PTPRN2: variants seen among roughly 807,000 people sequenced by gnomAD.
PTPRN2 encodes the protein receptor-type tyrosine-protein phosphatase N2.
In PTPRN2, 74 loss-of-function variants were observed where a neutral mutation model predicts 118.8. The observed-to-expected ratio is 0.62, with a 90% CI of 0.52 to 0.76. PTPRN2 has a LOEUF of 0.76. Ranked by LOEUF, PTPRN2 falls within the 30% of genes least tolerant of loss-of-function variation. The probability of loss-of-function intolerance (pLI) is 0.00; values close to 1 mark genes in which losing one functional copy is unlikely to be tolerated. For synonymous variants in PTPRN2, 641 were observed against 608.0 expected (o/e 1.05, Z -0.80); for missense variants, 1,481 against 1,394.4 (o/e 1.06, Z -0.99).
intron 11 of PTPRN2, among the ~76,000 whole-genome samples, chr7:157,926,986 CGT>C (rs1563245496): frequency 7.0e-6 from 1 of 143,406 alleles, no homozygotes; most frequent in Non-Finnish European, 1.6e-5. Context: ...CCCAGGGACC[CGT>C]CTGAGAGCAG....
chr7:157,743,000 CTGTGCT>C (rs1800720470), intron 12 of PTPRN2, among the ~76,000 whole-genome samples: 1 of 152,196 alleles, frequency 6.6e-6, no homozygotes, highest in Admixed American at 6.5e-5. Context: ...TGTGCTAAGG[CTGTGCT>C]TGTGTTATCT....
At chr7:158,414,602 A>G (rs1814490674) in intron 2 of PTPRN2, among the ~76,000 whole-genome samples, 1 of 152,218 alleles carries the variant, frequency 6.6e-6, no homozygotes, top group East Asian at 1.9e-4. Flanking sequence ...ACGAGCTCAC[A>G]TGCGGGCTGG....
intron 9 of PTPRN2, among the ~76,000 whole-genome samples, chr7:158,119,641 A>G (rs895889667): frequency 2.0e-5 from 3 of 151,492 alleles, no homozygotes; most frequent in Non-Finnish European, 2.9e-5. Context: ...GAGACACCAT[A>G]TTTACACAAC....
At chr7:158,077,659 C>T (rs566001613) in intron 11 of PTPRN2, among the ~76,000 whole-genome samples, 12 of 152,202 alleles carry the variant, frequency 7.9e-5, no homozygotes, top group East Asian at 3.9e-4. Flanking sequence ...CTGAAGGAAA[C>T]GGCCGAGCAT....
chr7:158,277,452 T>G (rs1799096128), intron 3 of PTPRN2, among the ~76,000 whole-genome samples: 1 of 152,152 alleles, frequency 6.6e-6, no homozygotes, highest in Non-Finnish European at 1.5e-5. Flanking sequence ...CCCTCAAGTC[T>G]GCCCTATAAA....
chr7:158,132,009 T>C (rs112382265), intron 9 of PTPRN2, among the ~76,000 whole-genome samples: 2,820 of 94,156 alleles, frequency 0.03, 72 homozygotes, highest in African/African-American at 0.12. Flanking sequence ...TAAATATGCA[T>C]AGATACACAT....
intron 13 of PTPRN2, among the ~76,000 whole-genome samples, chr7:157,660,533 A>G (rs1795835519): frequency 1.3e-5 from 2 of 152,288 alleles, no homozygotes; most frequent in African/African-American, 4.8e-5. Flanking sequence ...CTATTTTTTC[A>G]CTTTATAAAT....
intron 2 of PTPRN2, among the ~76,000 whole-genome samples, chr7:158,371,590 C>A (rs993351900): frequency 2.0e-5 from 3 of 152,104 alleles, no homozygotes; most frequent in Non-Finnish European, 2.9e-5. Context: ...AAGCACCTCA[C>A]GCTTGAGAGA....
intron 2 of PTPRN2, among the ~76,000 whole-genome samples, chr7:158,445,532 G>T (rs1344353626): frequency 6.6e-6 from 1 of 152,230 alleles, no homozygotes; most frequent in South Asian, 2.1e-4. Context: ...CAGGTCAGAG[G>T]CTCTGGAGGG....
chr7:158,275,512 G>A (rs766394846), intron 3 of PTPRN2, among the ~76,000 whole-genome samples: 31 of 152,286 alleles, frequency 2.0e-4, no homozygotes, highest in Middle Eastern at 3.4e-3. Context: ...GAATAAAGGC[G>A]TCGCCCAGAA....
chr7:158,450,383 AAC>A (rs1818014471), intron 2 of PTPRN2, among the ~76,000 whole-genome samples: 1 of 152,268 alleles, frequency 6.6e-6, no homozygotes, highest in East Asian at 1.9e-4. Context: ...ACACTGGTGA[AAC>A]ACAACTGAGA....
rs143809537 is a variant in PTPRN2, at chr7:158,205,069, G to C, written c.380+102C>G. 34 of 981,958 alleles carry C rather than the reference G, an allele frequency of 3.5e-5. No individual in the cohort carries two copies. The East Asian group carries it at 8.2e-4, about 24-fold the overall frequency. 60.8% of individuals were successfully genotyped at this position (981,958 alleles called of 1,614,324 possible). ...AAACGTCTGCACCAGAAAGATGGTG[G>C]GTGCTTTGCTACATTAAAACAAACA... On this transcript the variant is annotated intron_variant, in intron 4 of 22. Transcript: ENST00000389418.
intron 3 of PTPRN2, among the ~76,000 whole-genome samples, chr7:158,295,070 G>T (rs1384167934): frequency 2.7e-5 from 4 of 147,818 alleles, no homozygotes; most frequent in African/African-American, 1.0e-4. Flanking sequence ...CGCTGACCCT[G>T]CCTGTCTGCC....
At chr7:158,359,863 T>C (rs905612366) in intron 2 of PTPRN2, among the ~76,000 whole-genome samples, 5 of 152,178 alleles carry the variant, frequency 3.3e-5, no homozygotes, top group Admixed American at 1.3e-4. Flanking sequence ...GTTTTTAATA[T>C]ACAGCACCTT....
intron 3 of PTPRN2, among the ~76,000 whole-genome samples, chr7:158,252,357 G>T (rs1261654938): frequency 5.9e-5 from 9 of 152,194 alleles, no homozygotes; most frequent in African/African-American, 2.2e-4. Flanking sequence ...GTGGTGAGTG[G>T]TGTCACCGTT....
rs1807117475 is a variant in PTPRN2, at chr7:157,825,527, T to G, written c.1788+73146A>C. Among the ~76,000 whole-genome samples the G allele has an allele frequency of 1.3e-5, 2 of 152,236 alleles. 1 individual carries two copies. Among genetic ancestry groups the G allele is most frequent in the Non-Finnish European group, 2.9e-5 (2 of 68,038 alleles). ...CTAATCCTGACTAATACACACGTGT[T>G]TGCCAGTGAACAGATTATCCTCTCA... is the stretch of plus-strand genomic sequence containing the variant. On this transcript the variant is annotated intron_variant, in intron 12 of 22. Transcript: ENST00000389418.
intron 2 of PTPRN2, among the ~76,000 whole-genome samples, chr7:158,453,627 G>C (rs1818244944): frequency 6.9e-6 from 1 of 144,468 alleles, no homozygotes. Context: ...TCAGGAAAGA[G>C]GGGCAGGATC....
intron 3 of PTPRN2, among the ~76,000 whole-genome samples, chr7:158,232,208 T>TA (rs2150826284): frequency 6.6e-6 from 1 of 152,170 alleles, no homozygotes; most frequent in East Asian, 1.9e-4. Flanking sequence ...GACAAACCTT[T>TA]AGCTAGACTA....
rs148494397 is a variant in PTPRN2 at position 158,231,320 on chromosome 7, G to A, written c.278-26047C>T. Among the ~76,000 whole-genome samples the A allele has an allele frequency of 6.6e-4, 101 of 152,220 alleles. 3 individuals are homozygous for A. The East Asian group carries it at 0.013, about 19-fold the overall frequency. On this transcript the variant is annotated intron_variant, in intron 3 of 22. Transcript: ENST00000389418. ...GTGGAAACCAAAAATGGGCAGAAGC[G>A]GCTGTGCTTATATCAGATAAAATAG...
Sources: gnomAD v4.1 joint callset for allele counts (sites outside exome capture counted in the v4.1 genomes callset) on GRCh38, gnomAD v4.1.1 for gene constraint, MANE v1.5 for transcripts, NCBI Gene and HGNC (gene_info 2026-07-23, HGNC 2026-07-21) for gene names.